C15orf40: variants seen among roughly 807,000 people sequenced by gnomAD.
C15orf40 encodes the protein chromosome 15 open reading frame 40, also known as UPF0235 protein C15orf40.
Under a neutral mutation model 13.9 loss-of-function variants are expected in C15orf40, and 9 were observed. The ratio of observed to expected loss-of-function variants is 0.65; its 90% CI spans 0.39 to 1.13. C15orf40 has a LOEUF of 1.13. C15orf40 is among the 50% of genes most tolerant of loss of function. The pLI is 0.01. For missense variants in C15orf40, 225 were observed against 188.5 expected, an observed-to-expected ratio of 1.19 and a Z score of -1.13; for synonymous variants, 95 against 69.2, an observed-to-expected ratio of 1.37 and a Z score of -1.85.
chr15:83,010,103 A>G, intron 2 of C15orf40, 134 bp downstream of exon 2: 1 of 1,232,900 alleles, frequency 8.1e-7, no homozygotes, highest in Admixed American at 2.4e-5. Context: ...CTAGAATTTT[A>G]AAATGGAGAA....
rs1336449210 is a variant in C15orf40 at position 82,997,534 on chromosome 15, A to C, written c.*8063T>G. On this transcript the variant is annotated 3_prime_UTR_variant, in exon 4 of 4. Transcript: ENST00000304177. ...AGGGTTGGGGGCAAGGTCACAGATC[A>C]ACAGGATCCCAAGGCAGAGGAATTT... The C allele has an allele frequency of 4.9e-6, 1 of 203,408 alleles. No individual in the cohort carries two copies. Among genetic ancestry groups the C allele is most frequent in the Non-Finnish European group, 9.8e-6 (1 of 101,748 alleles). The allele number at this position is 203,408 out of a possible 1,614,324, so 12.6% of individuals were successfully genotyped here.
chr15:83,010,365 T>G lies in C15orf40; in HGVS notation c.112-2A>C. On this transcript the variant is annotated splice_acceptor_variant, in intron 1 of 3. Coordinates refer to ENST00000304177, the MANE Select transcript of C15orf40 (RefSeq NM_144597.3). LOFTEE classifies it high-confidence loss of function. ...TGGTTCCTTGCTCTGGCTTTTACCCTAAAATGACAACCACACAACTTTACA... is the reference window on the plus strand; with the variant it reads ...TGGTTCCTTGCTCTGGCTTTTACCCGAAAATGACAACCACACAACTTTACA... 6.2e-7 allele frequency: 1 copy of G among 1,614,082 alleles called. No homozygotes were observed. The highest frequency in any genetic ancestry group is 1.1e-5 in the South Asian group (1 of 91,074).
At chr15:83,006,355 T>C (rs996868382) in intron 3 of C15orf40, 3 of 960,106 alleles carry the variant, frequency 3.1e-6, no homozygotes, top group African/African-American at 1.8e-5. Flanking sequence ...AAAATAATTA[T>C]AAATATAAAC....
chr15:82,990,553 T>TTTTGCA, downstream of C15orf40: 1 of 1,029,448 alleles, frequency 9.7e-7, no homozygotes, highest in Middle Eastern at 3.0e-4. Context: ...CTTTTTTTTT[T>TTTTGCA]TTTTGCATTT....
Position 83,004,278 on chromosome 15 carries a change from C to A in C15orf40, c.*1319G>T. On this transcript the variant is annotated 3_prime_UTR_variant, in exon 4 of 4. Transcript: ENST00000304177. ...GGCGTGAGCCACCAAGCCCAGCTACCATCAGCAATTTTTATTATTGTTCTT... is the reference window on the plus strand; with the variant it reads ...GGCGTGAGCCACCAAGCCCAGCTACAATCAGCAATTTTTATTATTGTTCTT... The A allele has an allele frequency of 1.0e-6, 1 of 979,140 alleles. No homozygotes were observed. The highest frequency in any genetic ancestry group is 1.7e-5 in the African/African-American group (1 of 57,166). 60.7% of individuals were successfully genotyped at this position (979,140 alleles called of 1,614,324 possible).
intron 3 of C15orf40, among the ~76,000 whole-genome samples, chr15:83,006,988 G>C (rs976914844): frequency 6.6e-6 from 1 of 152,190 alleles, no homozygotes; most frequent in Middle Eastern, 3.2e-3. Context: ...ATCAATGACT[G>C]TGAATGCCAG....
intron 3 of C15orf40, chr15:83,006,307 C>T (rs2031676199): frequency 1.2e-6 from 1 of 823,608 alleles, no homozygotes. Flanking sequence ...CTTTAAAATA[C>T]CAAAATAAAT....
chr15:83,010,529 C>G (rs907927580), intron 1 of C15orf40, 166 bp from the exon 2 acceptor site: 1 of 709,774 alleles, frequency 1.4e-6, no homozygotes, highest in Non-Finnish European at 2.3e-6. Flanking sequence ...CTTCAAGGCT[C>G]TACTCAATTT....
intron 1 of C15orf40, 70 bp from the exon 2 acceptor site, chr15:83,010,433 C>T: frequency 6.3e-7 from 1 of 1,576,316 alleles, no homozygotes; most frequent in Non-Finnish European, 8.7e-7. Flanking sequence ...GATTCTTCCA[C>T]TACCCCCTTT....
intron 1 of C15orf40, chr15:83,010,687 T>G (rs1227733700): frequency 8.4e-6 from 2 of 239,336 alleles, no homozygotes; most frequent in Non-Finnish European, 1.6e-5. Flanking sequence ...TATTCATCAT[T>G]GTATCTCATG....
chr15:82,990,764 T>C (rs1279490213), downstream of C15orf40: 5 of 894,978 alleles, frequency 5.6e-6, no homozygotes, highest in East Asian at 2.7e-5. Flanking sequence ...GCTAACAACA[T>C]AGCAGGTCAA....
downstream of C15orf40, among the ~76,000 whole-genome samples, chr15:82,991,651 A>G (rs1200832891): frequency 6.6e-6 from 1 of 152,132 alleles, no homozygotes; most frequent in Non-Finnish European, 1.5e-5. Context: ...CATGCTCTCC[A>G]TCTACCTCTC....
chr15:83,010,645 T>C (rs2031954240), intron 1 of C15orf40: 1 of 315,958 alleles, frequency 3.2e-6, no homozygotes, highest in African/African-American at 2.1e-5. Context: ...CTGCTTTGTA[T>C]TTCCAATTCC....
In C15orf40 at chr15:83,005,107, G is replaced by A. The variant is rs1205592505; in HGVS notation, c.*490C>T. 1.5e-5 allele frequency: 17 copies of A among 1,130,278 alleles called. No homozygotes were observed. The highest frequency in any genetic ancestry group is 1.9e-5 in the Non-Finnish European group (17 of 901,546). 70.0% of individuals were successfully genotyped at this position (1,130,278 alleles called of 1,614,324 possible). A position where few individuals can be genotyped will look rare whatever the true frequency, so the allele number is the denominator to read the frequency against. On this transcript the variant is annotated 3_prime_UTR_variant, in exon 4 of 4. Coordinates refer to ENST00000304177, the MANE Select transcript of C15orf40 (RefSeq NM_144597.3). Reference sequence around the variant, plus strand: ...ACATGTTCCAGGCTGTTTGGGGTTTGGGATTTTAGAACCTGATGCAATGTA... The same window carrying A: ...ACATGTTCCAGGCTGTTTGGGGTTTAGGATTTTAGAACCTGATGCAATGTA...
rs559146025 is a variant in C15orf40 at position 83,006,436 on chromosome 15, C to G, written c.367-744G>C. ...CAAAAAGTAGCCACATATCCAAGTG[C>G]CACGATTTCACAACCACTTAAAACT... On this transcript the variant is annotated intron_variant, in intron 3 of 3. Coordinates refer to ENST00000304177, the MANE Select transcript of C15orf40 (RefSeq NM_144597.3). 1.2e-5 allele frequency: 12 copies of G among 985,326 alleles called. No homozygotes were observed. In the East Asian group the frequency reaches 1.2e-3, roughly 103 times the overall value. 61.0% of individuals were successfully genotyped at this position (985,326 alleles called of 1,614,324 possible).
intron 1 of C15orf40, chr15:83,010,982 G>C (rs1380157021): frequency 6.4e-6 from 1 of 155,518 alleles, no homozygotes; most frequent in Non-Finnish European, 1.4e-5. Context: ...TACCCCACAG[G>C]CAAATCAGCA....
At chr15:83,007,303 T>C (rs1320951747) in intron 3 of C15orf40, among the ~76,000 whole-genome samples, 4 of 152,206 alleles carry the variant, frequency 2.6e-5, no homozygotes, top group South Asian at 4.1e-4. Flanking sequence ...TTAGATTGTT[T>C]AGCGTGGTGA....
chr15:83,003,218 C>G lies in C15orf40; in HGVS notation c.*2379G>C, dbSNP rs1006368876. 6.7e-6 allele frequency: 1 copy of G among 150,016 alleles called. No individual in the cohort carries two copies. The highest frequency in any genetic ancestry group is 2.5e-5 in the African/African-American group (1 of 40,544). The allele number at this position is 150,016 out of a possible 1,614,324, so 9.3% of individuals were successfully genotyped here. The stretch of plus-strand genomic sequence containing the variant: ...TCAGCTCACCGCAACCTCCAACTCC[C>G]GGGTTCAAGCGATTCTCCTACCTCA... On this transcript the variant is annotated 3_prime_UTR_variant, in exon 4 of 4. Coordinates refer to ENST00000304177, the MANE Select transcript of C15orf40 (RefSeq NM_144597.3).
At chr15:82,990,632 T>C (rs988661932), downstream of C15orf40, 33 of 1,523,968 alleles carry the variant, frequency 2.2e-5, no homozygotes, top group Non-Finnish European at 2.6e-5. Flanking sequence ...TGAGTCTCTT[T>C]TTAGAGGGAA....
Sources: gnomAD v4.1 joint callset for allele counts (sites outside exome capture counted in the v4.1 genomes callset) on GRCh38, gnomAD v4.1.1 for gene constraint, MANE v1.5 for transcripts, NCBI Gene and HGNC (gene_info 2026-07-23, HGNC 2026-07-21) for gene names.